JPH3: variants seen among roughly 807,000 people sequenced by gnomAD.
JPH3 encodes junctophilin 3.
In JPH3, 11 loss-of-function variants were observed where a neutral mutation model predicts 59.6. The observed-to-expected ratio is 0.18, with a 90% CI of 0.12 to 0.31. The LOEUF (loss-of-function observed/expected upper bound fraction) is 0.31, where lower values mean the gene tolerates loss of function less well. JPH3 is among the 10% of genes least tolerant of loss of function. The pLI is 1.00. For synonymous variants in JPH3, 673 were observed against 483.6 expected (o/e 1.39, Z -5.14); for missense variants, 1,202 against 1,105.7 (o/e 1.09, Z -1.24).
At chr16:87,692,499 C>T (rs757642954) in intron 4 of JPH3, among the ~76,000 whole-genome samples, 2 of 152,218 alleles carry the variant, frequency 1.3e-5, no homozygotes, top group African/African-American at 2.4e-5. Flanking sequence ...TTCTGGCCAT[C>T]CCCCTCCACC....
intron 1 of JPH3, among the ~76,000 whole-genome samples, chr16:87,606,914 G>C (rs1209060985): frequency 6.6e-6 from 1 of 152,090 alleles, no homozygotes; most frequent in Non-Finnish European, 1.5e-5. Context: ...ACCTCTAGAG[G>C]GTGATTTTCT....
chr16:87,670,896 G>A (rs979430506), intron 2 of JPH3, among the ~76,000 whole-genome samples: 2 of 152,150 alleles, frequency 1.3e-5, no homozygotes, highest in South Asian at 2.1e-4. Context: ...TGGGCTTCTC[G>A]AGAGAAGTGA....
Position 87,603,335 on chromosome 16 carries a change from C to T in JPH3, c.189C>T (p.Gly63=), listed in dbSNP as rs766727109. The T allele has an allele frequency of 2.0e-5, 33 of 1,612,926 alleles. No homozygotes were observed. Among genetic ancestry groups the T allele is most frequent in the Non-Finnish European group, 2.5e-5 (29 of 1,179,686 alleles). The part of the protein sequence containing the change: ...YTWPSGNTYQ[G]TWAQGKRHGI... ...GGCCCAGCGGCAACACGTACCAGGG[C>T]ACCTGGGCGCAGGGCAAGCGCCACG... The change falls in exon 1 of 5, where the codon GGC becomes GGT. Residue 63 remains glycine (G), a synonymous_variant. Transcript: ENST00000284262.
chr16:87,667,125 G>A (rs1320104655), intron 2 of JPH3, among the ~76,000 whole-genome samples: 4 of 152,214 alleles, frequency 2.6e-5, no homozygotes. Context: ...CCTCCCTGGA[G>A]TGGCCACGTC....
chr16:87,646,514 A>G (rs940422296), intron 2 of JPH3, among the ~76,000 whole-genome samples: 4 of 152,224 alleles, frequency 2.6e-5, no homozygotes, highest in Admixed American at 6.5e-5. Flanking sequence ...TATTTTTTCC[A>G]TCATAAATGT....
intron 2 of JPH3, among the ~76,000 whole-genome samples, chr16:87,657,754 G>A (rs558779749): frequency 3.3e-5 from 5 of 151,948 alleles, no homozygotes; most frequent in African/African-American, 1.2e-4. Flanking sequence ...GGTCCTTTAA[G>A]GATGCAACCT....
chr16:87,670,166 G>C (rs965941378), intron 2 of JPH3, among the ~76,000 whole-genome samples: 1 of 152,178 alleles, frequency 6.6e-6, no homozygotes, highest in Non-Finnish European at 1.5e-5. Context: ...TGCACCGGCC[G>C]ATGTGGGCAA....
At chr16:87,616,539 T>G (rs1476930155) in intron 1 of JPH3, among the ~76,000 whole-genome samples, 1 of 151,912 alleles carries the variant, frequency 6.6e-6, no homozygotes, top group East Asian at 1.9e-4. Context: ...TGTGAGCCAC[T>G]GTGCCCAGCC....
intron 4 of JPH3, among the ~76,000 whole-genome samples, chr16:87,692,322 G>C (rs1383078708): frequency 6.6e-6 from 1 of 152,046 alleles, no homozygotes; most frequent in African/African-American, 2.4e-5. Context: ...AGGCCCTGTT[G>C]GTGGGAAGCA....
At chr16:87,669,072 G>C (rs2032949783) in intron 2 of JPH3, among the ~76,000 whole-genome samples, 1 of 152,222 alleles carries the variant, frequency 6.6e-6, no homozygotes, top group Non-Finnish European at 1.5e-5. Flanking sequence ...GCATCTCCCG[G>C]TGGCACAGGG....
intron 2 of JPH3, among the ~76,000 whole-genome samples, chr16:87,664,606 C>CA (rs1265722491): frequency 1.3e-5 from 2 of 152,176 alleles, no homozygotes; most frequent in Non-Finnish European, 2.9e-5. Context: ...GCCTGGGCAA[C>CA]AAGAGTGAAA....
At chr16:87,656,613 C>T (rs117899681) in intron 2 of JPH3, among the ~76,000 whole-genome samples, 13 of 152,156 alleles carry the variant, frequency 8.5e-5, no homozygotes, top group Non-Finnish European at 1.8e-4. Context: ...TGGGAACATT[C>T]GAGGCCCTGG....
At chr16:87,636,160 G>C (rs1173230578) in intron 1 of JPH3, among the ~76,000 whole-genome samples, 1 of 152,218 alleles carries the variant, frequency 6.6e-6, no homozygotes, top group Non-Finnish European at 1.5e-5. Flanking sequence ...GACAGGCTTT[G>C]GGAATCAGCG....
At chr16:87,691,169 T>C (rs1031575941) in intron 4 of JPH3, among the ~76,000 whole-genome samples, 1 of 151,144 alleles carries the variant, frequency 6.6e-6, no homozygotes, top group African/African-American at 2.4e-5. Flanking sequence ...GGCGCGAGGC[T>C]GGGGGTCCCA....
intron 2 of JPH3, among the ~76,000 whole-genome samples, chr16:87,646,774 C>T (rs1355777059): frequency 6.6e-6 from 1 of 152,142 alleles, no homozygotes; most frequent in Non-Finnish European, 1.5e-5. Flanking sequence ...GTGTGACCTG[C>T]AGATTGGTTC....
chr16:87,688,175 T>C (rs939507397), intron 3 of JPH3, among the ~76,000 whole-genome samples: 1 of 151,928 alleles, frequency 6.6e-6, no homozygotes, highest in African/African-American at 2.4e-5. Context: ...GAAGCAGTCA[T>C]TGAGACCTCA....
intron 2 of JPH3, among the ~76,000 whole-genome samples, chr16:87,649,253 T>A (rs1283300985): frequency 6.6e-6 from 1 of 152,198 alleles, no homozygotes; most frequent in African/African-American, 2.4e-5. Flanking sequence ...AGTGAAAGTC[T>A]GAGATGGCCC....
At chr16:87,604,857 C>A in intron 1 of JPH3, 1 of 394,020 alleles carries the variant, frequency 2.5e-6, no homozygotes, top group Non-Finnish European at 5.0e-6. Flanking sequence ...CAGCCCCGGT[C>A]TCAGGCGGCC....
chr16:87,605,154 C>A (rs1260312277), intron 1 of JPH3, among the ~76,000 whole-genome samples: 1 of 152,158 alleles, frequency 6.6e-6, no homozygotes, highest in African/African-American at 2.4e-5. Flanking sequence ...AGAGGTGCTC[C>A]TGGCTGAGCC....
Sources: gnomAD v4.1 joint callset for allele counts (sites outside exome capture counted in the v4.1 genomes callset) on GRCh38, gnomAD v4.1.1 for gene constraint, MANE v1.5 for transcripts, NCBI Gene and HGNC (gene_info 2026-07-23, HGNC 2026-07-21) for gene names.